Variants in KIF26B observed in about 807,000 individuals in gnomAD.
KIF26B encodes kinesin family member 26B, also known as kinesin-like protein KIF26B.
In KIF26B, 63 loss-of-function variants were observed where a neutral mutation model predicts 151.2. That is an observed-to-expected ratio of 0.42 (90% confidence interval 0.34 to 0.51). The LOEUF (loss-of-function observed/expected upper bound fraction) is 0.51. Among genes scored for constraint, KIF26B ranks in the 20% least tolerant of loss-of-function variants. The pLI is 0.07. For synonymous variants in KIF26B, 1,357 were observed against 1,262.1 expected (o/e 1.08, Z -1.59); for missense variants, 2,813 against 2,913.6 (o/e 0.97, Z 0.79).
rs113032967 is a variant in KIF26B, at chr1:245,609,285, C to G, written c.1671C>G (p.Ile557Met). 1.2e-6 allele frequency: 2 copies of G among 1,605,830 alleles called. No homozygotes were observed. Among genetic ancestry groups the G allele is most frequent in the Non-Finnish European group, 1.7e-6 (2 of 1,175,396 alleles). The change falls in exon 8 of 15, where the codon ATC (isoleucine) becomes ATG (methionine). Residue 557 changes from isoleucine (I) to methionine (M), a missense_variant. Around this residue, in one of 3 missense-constraint regions of KIF26B, gnomAD observed 77 missense variants for 136.9 expected, o/e 0.56. Coordinates refer to ENST00000407071, the MANE Select transcript of KIF26B (RefSeq NM_018012.4). The part of the protein sequence containing the change: ...HAKLGKSYTM[I>M]GKDDSMQNLG... Reference sequence around the variant, plus strand: ...TCCCAGGAAAATCCTACACCATGATCGGAAAGGATGATTCCATGCAGAACC... The same window carrying G: ...TCCCAGGAAAATCCTACACCATGATGGGAAAGGATGATTCCATGCAGAACC...
chr1:245,357,346 G>T (rs1307372169), intron 2 of KIF26B, among the ~76,000 whole-genome samples: 1 of 152,212 alleles, frequency 6.6e-6, no homozygotes, highest in East Asian at 1.9e-4. Context: ...AATTCACTGT[G>T]ATGGTGGAGA....
Position 245,419,764 on chromosome 1 carries a change from T to A in KIF26B, c.1166+19T>A, listed in dbSNP as rs757780565. The A allele has an allele frequency of 6.3e-7, 1 of 1,588,812 alleles. No individual in the cohort carries two copies. Among genetic ancestry groups the A allele is most frequent in the South Asian group, 1.1e-5 (1 of 87,776 alleles). On this transcript the variant is annotated intron_variant, in intron 4 of 14. Coordinates refer to ENST00000407071, the MANE Select transcript of KIF26B (RefSeq NM_018012.4). Reference sequence around the variant, plus strand: ...TTGCACGGTAAGAGAGCTGTTCAGATCCTTGGTTCTTTCCGATGAGCCCAG... The same window carrying A: ...TTGCACGGTAAGAGAGCTGTTCAGAACCTTGGTTCTTTCCGATGAGCCCAG...
chr1:245,648,522 C>A (rs2103187426), intron 10 of KIF26B, among the ~76,000 whole-genome samples: 1 of 151,772 alleles, frequency 6.6e-6, no homozygotes, highest in South Asian at 2.1e-4. Flanking sequence ...GTAGTCCCAG[C>A]TACTTGGGAG....
chr1:245,509,589 A>G (rs575205451), intron 4 of KIF26B, among the ~76,000 whole-genome samples: 5 of 152,332 alleles, frequency 3.3e-5, no homozygotes, highest in East Asian at 3.9e-4. Flanking sequence ...CTCAATGTCA[A>G]TGAAGCAATG....
At chr1:245,566,416 A>G (rs2043010844) in intron 5 of KIF26B, among the ~76,000 whole-genome samples, 1 of 152,252 alleles carries the variant, frequency 6.6e-6, no homozygotes, top group Non-Finnish European at 1.5e-5. Context: ...CCTGCCAGTT[A>G]CTGGCAAATT....
chr1:245,360,303 T>C (rs182582378), intron 2 of KIF26B, among the ~76,000 whole-genome samples: 2 of 152,264 alleles, frequency 1.3e-5, no homozygotes, highest in Non-Finnish European at 2.9e-5. Flanking sequence ...AGCCCTAAGA[T>C]CATTGTCACC....
chr1:245,351,917 T>C (rs2103000867), intron 2 of KIF26B, among the ~76,000 whole-genome samples: 1 of 152,300 alleles, frequency 6.6e-6, no homozygotes, highest in Non-Finnish European at 1.5e-5. Flanking sequence ...GTTTTATAAA[T>C]GAATGAAATT....
chr1:245,550,659 T>G (rs1458135138), intron 5 of KIF26B, among the ~76,000 whole-genome samples: 1 of 152,174 alleles, frequency 6.6e-6, no homozygotes, highest in East Asian at 1.9e-4. Context: ...GTGGAGGAGC[T>G]GCTGGGGGCC....
chr1:245,492,935 C>A (rs2103074796), intron 4 of KIF26B, among the ~76,000 whole-genome samples: 1 of 152,174 alleles, frequency 6.6e-6, no homozygotes, highest in South Asian at 2.1e-4. Flanking sequence ...CGCGCCCCAC[C>A]ACATCTGGCT....
At chr1:245,250,507 A>T (rs113727391) in intron 2 of KIF26B, among the ~76,000 whole-genome samples, 1 of 152,200 alleles carries the variant, frequency 6.6e-6, no homozygotes, top group Non-Finnish European at 1.5e-5. Context: ...TGTCTTGGTC[A>T]TGTAATGTGC....
intron 3 of KIF26B, among the ~76,000 whole-genome samples, chr1:245,380,112 G>T (rs571970028): frequency 1.3e-5 from 2 of 152,162 alleles, no homozygotes; most frequent in African/African-American, 4.8e-5. Context: ...GTGAGGATTA[G>T]TTAATGAGTC....
intron 7 of KIF26B, among the ~76,000 whole-genome samples, chr1:245,609,015 A>G (rs962190435): frequency 5.3e-5 from 8 of 152,166 alleles, no homozygotes; most frequent in African/African-American, 1.9e-4. Flanking sequence ...TGGCCCCCAC[A>G]AAGTGCTGAG....
chr1:245,646,052 C>T (rs566995863), intron 9 of KIF26B, 69 bp from the exon 10 acceptor site: 80 of 1,510,022 alleles, frequency 5.3e-5, no homozygotes, highest in African/African-American at 3.7e-4. Context: ...TCCCAAGGAG[C>T]TACATGAAGA....
intron 2 of KIF26B, among the ~76,000 whole-genome samples, chr1:245,175,114 G>T (rs74605389): frequency 0.024 from 3,692 of 152,256 alleles, 63 homozygotes; most frequent in Middle Eastern, 0.051. Context: ...TGAAAAGCTA[G>T]AACAGTGGCT....
chr1:245,583,998 A>C (rs769555735), intron 5 of KIF26B, among the ~76,000 whole-genome samples: 6 of 152,204 alleles, frequency 3.9e-5, no homozygotes, highest in Non-Finnish European at 7.3e-5. Flanking sequence ...TCTGATTTTA[A>C]TAACTGATAT....
intron 4 of KIF26B, among the ~76,000 whole-genome samples, chr1:245,535,783 G>A (rs10802219): frequency 0.51 from 77,689 of 152,050 alleles, 21,281 homozygotes; most frequent in African/African-American, 0.67. Flanking sequence ...GGACACATAG[G>A]CCTAGATTCA....
chr1:245,442,178 G>A (rs1407791643), intron 4 of KIF26B, among the ~76,000 whole-genome samples: 1 of 152,162 alleles, frequency 6.6e-6, no homozygotes, highest in Non-Finnish European at 1.5e-5. Flanking sequence ...CATACCCAGG[G>A]CATGCGGCTG....
At position 245,155,368 on chromosome 1, in the gene KIF26B, A is replaced by T; in HGVS notation, c.-57A>T. The T allele has an allele frequency of 7.0e-7, 1 of 1,430,596 alleles. No individual in the cohort carries two copies. Among genetic ancestry groups the T allele is most frequent in the Non-Finnish European group, 9.7e-7 (1 of 1,030,240 alleles). The allele number at this position is 1,430,596 out of a possible 1,614,324, so 88.6% of individuals were successfully genotyped here. A position where few individuals can be genotyped will look rare whatever the true frequency, so the allele number is the denominator to read the frequency against. ...CCGGGGGACGCTTCTGGGTTGGAGG[A>T]CCTTCTGGATGTAGCGTCGGTGGAA... is the stretch of plus-strand genomic sequence containing the variant. On this transcript the variant is annotated 5_prime_UTR_variant, in exon 1 of 15. Transcript: ENST00000407071.
intron 2 of KIF26B, among the ~76,000 whole-genome samples, chr1:245,182,462 T>A (rs1033750007): frequency 1.3e-5 from 2 of 152,214 alleles, no homozygotes; most frequent in African/African-American, 4.8e-5. Context: ...ACATGCTGTA[T>A]ATCCATTCAC....
Sources: gnomAD v4.1 joint callset for allele counts (sites outside exome capture counted in the v4.1 genomes callset) on GRCh38, gnomAD v4.1.1 for gene constraint, gnomAD v4.1.1 regional missense constraint, MANE v1.5 for transcripts, NCBI Gene and HGNC (gene_info 2026-07-23, HGNC 2026-07-21) for gene names.